MAPRE2: variants seen among roughly 807,000 people sequenced by gnomAD.
MAPRE2 encodes microtubule-associated protein RP/EB family member 2.
MAPRE2 carries 13 observed loss-of-function variants against 43.2 expected under a neutral mutation model. That is an observed-to-expected ratio of 0.30 (90% CI 0.20 to 0.48). MAPRE2 has a LOEUF of 0.48. Ranked by LOEUF, MAPRE2 falls within the 20% of genes least tolerant of loss-of-function variation. The pLI is 0.99. For missense variants in MAPRE2, 161 were observed against 400.2 expected (o/e 0.40, Z 5.10); for synonymous variants, 135 against 148.8 (o/e 0.91, Z 0.68).
intron 1 of MAPRE2, among the ~76,000 whole-genome samples, chr18:34,985,027 TAA>T (rs1234894123): frequency 5.4e-5 from 4 of 73,848 alleles, no homozygotes; most frequent in Non-Finnish European, 9.4e-5. Flanking sequence ...ATATAATATA[TAA>T]AATATATAAT....
intron 2 of MAPRE2, among the ~76,000 whole-genome samples, chr18:35,026,211 G>T (rs756943780): frequency 6.6e-6 from 1 of 152,146 alleles, no homozygotes; most frequent in Non-Finnish European, 1.5e-5. Context: ...AAATGAACAG[G>T]TATGATGTCT....
At chr18:35,026,319 C>A (rs554339142) in intron 2 of MAPRE2, among the ~76,000 whole-genome samples, 1 of 152,156 alleles carries the variant, frequency 6.6e-6, no homozygotes, top group African/African-American at 2.4e-5. Flanking sequence ...GGAGAGGGAG[C>A]CAAGTAGGAG....
chr18:34,982,175 G>T (rs1156724139), intron 1 of MAPRE2, among the ~76,000 whole-genome samples: 1 of 152,002 alleles, frequency 6.6e-6, no homozygotes, highest in South Asian at 2.1e-4. Context: ...GAGTCACTGC[G>T]CCCGGCCAAC....
intron 2 of MAPRE2, among the ~76,000 whole-genome samples, chr18:35,081,009 C>T (rs923031501): frequency 1.3e-5 from 2 of 152,170 alleles, no homozygotes; most frequent in African/African-American, 2.4e-5. Flanking sequence ...AGTTTCTCTT[C>T]GCATTCTGCA....
chr18:34,990,909 G>A (rs948336563), intron 1 of MAPRE2, among the ~76,000 whole-genome samples: 2 of 152,154 alleles, frequency 1.3e-5, no homozygotes, highest in Non-Finnish European at 2.9e-5. Flanking sequence ...GGGAGCTTTC[G>A]CTGTATTCAT....
intron 1 of MAPRE2, among the ~76,000 whole-genome samples, chr18:35,056,321 T>C (rs1906230817): frequency 6.6e-6 from 1 of 152,158 alleles, no homozygotes; most frequent in Non-Finnish European, 1.5e-5. Flanking sequence ...TGCTTATTAT[T>C]ATAACAATAG....
chr18:34,999,716 AAGG>A (rs1352519576), intron 1 of MAPRE2, among the ~76,000 whole-genome samples: 2 of 152,138 alleles, frequency 1.3e-5, no homozygotes, highest in African/African-American at 2.4e-5. Flanking sequence ...TGTCTTTCTG[AAGG>A]AGAAGAATGA....
chr18:35,105,821 CA>C (rs1159639725), intron 4 of MAPRE2, among the ~76,000 whole-genome samples: 1 of 151,860 alleles, frequency 6.6e-6, no homozygotes, highest in East Asian at 1.9e-4. Flanking sequence ...ATCTTTATTA[CA>C]AAATCAAATC....
chr18:35,084,987 C>T (rs1458097431), intron 2 of MAPRE2, among the ~76,000 whole-genome samples: 1 of 152,170 alleles, frequency 6.6e-6, no homozygotes, highest in South Asian at 2.1e-4. Context: ...CAAGCTGCTC[C>T]TCCATGCCAG....
intron 2 of MAPRE2, among the ~76,000 whole-genome samples, chr18:35,088,465 A>G (rs1011548239): frequency 1.3e-5 from 2 of 152,222 alleles, no homozygotes; most frequent in African/African-American, 4.8e-5. Context: ...CAGGGAAGGA[A>G]TTTGGATTTT....
intron 2 of MAPRE2, among the ~76,000 whole-genome samples, chr18:35,078,992 C>T (rs893736207): frequency 2.0e-5 from 3 of 152,172 alleles, no homozygotes; most frequent in Non-Finnish European, 2.9e-5. Flanking sequence ...CCTCTAACTT[C>T]TTTCCCTCCA....
chr18:35,087,233 A>G (rs1468650759), intron 2 of MAPRE2, among the ~76,000 whole-genome samples: 2 of 152,114 alleles, frequency 1.3e-5, no homozygotes, highest in Non-Finnish European at 2.9e-5. Context: ...CTGCAGGGGT[A>G]CAGACAGTGT....
At chr18:35,129,972 G>T (rs1910074377) in intron 5 of MAPRE2, among the ~76,000 whole-genome samples, 1 of 152,196 alleles carries the variant, frequency 6.6e-6, no homozygotes, top group African/African-American at 2.4e-5. Context: ...TTTTACTAGG[G>T]AATGTTGGTA....
intron 2 of MAPRE2, among the ~76,000 whole-genome samples, chr18:35,024,132 C>T (rs1437659854): frequency 6.6e-6 from 1 of 152,192 alleles, no homozygotes; most frequent in African/African-American, 2.4e-5. Context: ...CTCTATCAGA[C>T]ACCTTTCAAT....
At chr18:35,006,046 C>A (rs542088276) in intron 2 of MAPRE2, among the ~76,000 whole-genome samples, 135 of 152,216 alleles carry the variant, frequency 8.9e-4, no homozygotes, top group Middle Eastern at 6.8e-3. Context: ...TGGGATTTGT[C>A]TTTGAGATGC....
chr18:35,091,278 A>C (rs1200057157), intron 2 of MAPRE2, among the ~76,000 whole-genome samples: 3 of 152,204 alleles, frequency 2.0e-5, no homozygotes, highest in Non-Finnish European at 4.4e-5. Flanking sequence ...TTATGCACAA[A>C]ATTATTAAAA....
intron 2 of MAPRE2, among the ~76,000 whole-genome samples, chr18:35,012,151 T>C (rs937843692): frequency 3.0e-4 from 46 of 152,144 alleles, no homozygotes; most frequent in African/African-American, 1.0e-3. Context: ...GGACACATTG[T>C]AAACGTGAGG....
At chr18:35,096,231 T>A (rs1603400583) in intron 2 of MAPRE2, among the ~76,000 whole-genome samples, 4 of 152,256 alleles carry the variant, frequency 2.6e-5, no homozygotes, top group Admixed American at 2.6e-4. Flanking sequence ...GGGGAGGCAC[T>A]TCATGTTCCA....
chr18:35,134,190 G>A (rs1910287807), intron 6 of MAPRE2, among the ~76,000 whole-genome samples: 1 of 152,194 alleles, frequency 6.6e-6, no homozygotes, highest in Admixed American at 6.5e-5. Context: ...ACAGATGAGG[G>A]AAACTAAGGC....
Sources: gnomAD v4.1 joint callset for allele counts (sites outside exome capture counted in the v4.1 genomes callset) on GRCh38, gnomAD v4.1.1 for gene constraint, MANE v1.5 for transcripts, NCBI Gene and HGNC (gene_info 2026-07-23, HGNC 2026-07-21) for gene names.